The following FRMD4A variants were observed in gnomAD, a reference collection of about 807,000 sequenced individuals.
FRMD4A encodes the protein FERM domain-containing protein 4A.
A neutral mutation model predicts 129.1 loss-of-function variants in FRMD4A; 29 were observed. The observed-to-expected ratio is 0.22, with a 90% CI of 0.17 to 0.31. FRMD4A has a LOEUF of 0.31. Ranked by LOEUF, FRMD4A falls within the 10% of genes least tolerant of loss-of-function variation. FRMD4A has a pLI of 1.00. For missense variants in FRMD4A, 1,272 were observed against 1,375.8 expected (o/e 0.92, Z 1.19); for synonymous variants, 634 against 571.6 (o/e 1.11, Z -1.56).
At position 13,971,817 on chromosome 10, in the gene FRMD4A, C is replaced by T. The variant is rs935324817; in HGVS notation, c.46-112905G>A. 3.1e-6 allele frequency: 4 copies of T among 1,304,206 alleles called. No homozygotes were observed. In the Admixed American group the frequency reaches 6.9e-5, roughly 22 times the overall value. The allele number at this position is 1,304,206 out of a possible 1,614,324, so 80.8% of individuals were successfully genotyped here. On this transcript the variant is annotated intron_variant, in intron 2 of 24. Coordinates refer to ENST00000357447, the MANE Select transcript of FRMD4A (RefSeq NM_018027.5). Reference sequence around the variant, plus strand: ...GCAGCCATGCCAGCCCCAGACTCTGCCGCCAACCCTCTGGTCCCTGGCCCC... The same window carrying T: ...GCAGCCATGCCAGCCCCAGACTCTGTCGCCAACCCTCTGGTCCCTGGCCCC...
chr10:14,216,709 A>T (rs2131964468), intron 2 of FRMD4A, among the ~76,000 whole-genome samples: 1 of 151,216 alleles, frequency 6.6e-6, no homozygotes, highest in Middle Eastern at 3.4e-3. Flanking sequence ...AAATCGTTAA[A>T]CTCTTTGTCT....
chr10:14,184,990 C>T (rs1842041628), intron 2 of FRMD4A, among the ~76,000 whole-genome samples: 1 of 151,872 alleles, frequency 6.6e-6, no homozygotes, highest in African/African-American at 2.4e-5. Flanking sequence ...TCAGAGAGCG[C>T]GGAATGAGAG....
chr10:13,747,077 A>G (rs889860453), intron 9 of FRMD4A, among the ~76,000 whole-genome samples: 13 of 152,286 alleles, frequency 8.5e-5, no homozygotes, highest in African/African-American at 3.1e-4. Flanking sequence ...TCATCAAATG[A>G]CAGGTGTTCC....
At chr10:13,770,616 G>GT (rs1437258475) in intron 6 of FRMD4A, among the ~76,000 whole-genome samples, 1 of 151,750 alleles carries the variant, frequency 6.6e-6, no homozygotes, top group South Asian at 2.1e-4. Context: ...GCTAATTTTA[G>GT]TTTTTTTGTA....
chr10:14,077,682 T>C (rs769395772), intron 2 of FRMD4A, among the ~76,000 whole-genome samples: 2 of 152,206 alleles, frequency 1.3e-5, no homozygotes, highest in African/African-American at 2.4e-5. Flanking sequence ...AAGTGATTCA[T>C]TGGAGCAATC....
At chr10:14,251,519 C>T (rs922902195) in intron 2 of FRMD4A, among the ~76,000 whole-genome samples, 1 of 152,180 alleles carries the variant, frequency 6.6e-6, no homozygotes, top group African/African-American at 2.4e-5. Context: ...TTTTGCTAAG[C>T]TGCACCCAAT....
intron 15 of FRMD4A, among the ~76,000 whole-genome samples, chr10:13,687,551 T>C (rs1320809762): frequency 6.6e-6 from 1 of 152,238 alleles, no homozygotes; most frequent in East Asian, 1.9e-4. Flanking sequence ...TCTTTCAACA[T>C]GGATTTTGGA....
chr10:14,048,730 T>C (rs1425720921), intron 2 of FRMD4A, among the ~76,000 whole-genome samples: 1 of 151,996 alleles, frequency 6.6e-6, no homozygotes, highest in Non-Finnish European at 1.5e-5. Flanking sequence ...CGCTTGAACC[T>C]GGGAAGCGGA....
At chr10:13,906,692 T>C (rs552984262) in intron 2 of FRMD4A, among the ~76,000 whole-genome samples, 71 of 152,302 alleles carry the variant, frequency 4.7e-4, no homozygotes, top group Admixed American at 9.8e-4. Context: ...CCGGGTGAAT[T>C]ACATCTTGTA....
intron 12 of FRMD4A, among the ~76,000 whole-genome samples, chr10:13,716,592 C>G (rs894356619): frequency 6.6e-6 from 1 of 152,220 alleles, no homozygotes; most frequent in African/African-American, 2.4e-5. Context: ...TGTCAGACAA[C>G]GCGAGCTCTA....
In FRMD4A at chr10:13,691,906, C is replaced by T. The variant is rs952250726; in HGVS notation, c.1117+1992G>A. Among the ~76,000 whole-genome samples the T allele has an allele frequency of 2.6e-5, 4 of 152,268 alleles. No homozygotes were observed. The East Asian group carries it at 5.8e-4, about 22-fold the overall frequency. On this transcript the variant is annotated intron_variant, in intron 15 of 24. Coordinates refer to ENST00000357447, the MANE Select transcript of FRMD4A (RefSeq NM_018027.5). ...CAGGAGACTGGGAGCGGCTGTAATT[C>T]GAGGTAGGGGTCTTGGTCTTTGAAT...
chr10:14,147,526 G>T (rs774485943), intron 2 of FRMD4A, among the ~76,000 whole-genome samples: 1 of 152,104 alleles, frequency 6.6e-6, no homozygotes, highest in Non-Finnish European at 1.5e-5. Context: ...ATCAGTGTGA[G>T]CTCTGAGCTT....
In FRMD4A at chr10:13,821,630, C is replaced by A. The variant is rs998370817; in HGVS notation, c.112-10722G>T. On this transcript the variant is annotated intron_variant, in intron 3 of 24. Transcript: ENST00000357447. This position sits in a 1 kb window ranked among gnomAD's most constrained non-coding sequence, Gnocchi z 4.3. ...CAGCCAGCCCTAGAAACCAGAAACA[C>A]CTGAAGTAGACACCAGGATTGCCCC... Among the ~76,000 whole-genome samples, 6 of 152,154 alleles carry A rather than the reference C, an allele frequency of 3.9e-5. No individual in the cohort carries two copies. The highest frequency in any genetic ancestry group is 7.3e-5 in the Non-Finnish European group (5 of 68,028).
chr10:13,904,997 A>G lies in FRMD4A; in HGVS notation c.46-46085T>C, dbSNP rs1452791606. ...GACAGAGTGAGACTCTATCTCAAAA[A>G]AAAAAAAAAAAAAGAAAAGAAAACA... On this transcript the variant is annotated intron_variant, in intron 2 of 24. Transcript: ENST00000357447. 9.3e-5 allele frequency among the ~76,000 whole-genome samples: 14 copies of G among 150,848 alleles called. 1 individual carries two copies. The highest frequency in any genetic ancestry group is 2.2e-4 in the African/African-American group (9 of 41,242).
chr10:14,287,180 G>T (rs1845708770), intron 2 of FRMD4A, among the ~76,000 whole-genome samples: 1 of 152,068 alleles, frequency 6.6e-6, no homozygotes, highest in Non-Finnish European at 1.5e-5. Context: ...TGGTCATCAG[G>T]CATGGACCTG....
intron 17 of FRMD4A, among the ~76,000 whole-genome samples, chr10:13,668,818 G>C (rs1030941487): frequency 2.6e-5 from 4 of 152,114 alleles, no homozygotes; most frequent in African/African-American, 9.7e-5. Flanking sequence ...CTGATGACCA[G>C]CAGGATTTGG....
At chr10:14,046,484 C>T (rs752434167) in intron 2 of FRMD4A, among the ~76,000 whole-genome samples, 11 of 152,118 alleles carry the variant, frequency 7.2e-5, no homozygotes, top group Non-Finnish European at 1.3e-4. Context: ...ATTTTGAAAA[C>T]TCATTTCCAG....
intron 2 of FRMD4A, among the ~76,000 whole-genome samples, chr10:14,088,849 T>TC (rs1836463372): frequency 1.3e-5 from 2 of 151,598 alleles, no homozygotes; most frequent in African/African-American, 2.4e-5. Context: ...CACACTGTTT[T>TC]CCCCAGGAGG....
intron 2 of FRMD4A, among the ~76,000 whole-genome samples, chr10:14,013,240 A>G (rs1482954049): frequency 6.6e-6 from 1 of 152,220 alleles, no homozygotes; most frequent in African/African-American, 2.4e-5. Flanking sequence ...ATCTTGAGCC[A>G]TACTTCCTTG....
Sources: allele counts gnomAD v4.1 joint callset (sites outside exome capture counted in the v4.1 genomes callset), GRCh38; gene constraint gnomAD v4.1.1; non-coding constraint Gnocchi (gnomAD v3.1); transcripts MANE v1.5; gene names NCBI Gene and HGNC (gene_info 2026-07-23, HGNC 2026-07-21).